The following TRAPPC9 variants were observed in gnomAD, a reference collection of about 807,000 sequenced individuals.
TRAPPC9 encodes the protein IKK2 binding protein.
A neutral mutation model predicts 124.0 loss-of-function variants in TRAPPC9; 83 were observed. The ratio of observed to expected loss-of-function variants is 0.67; its 90% CI spans 0.56 to 0.80. TRAPPC9 has a LOEUF of 0.80. Ranked by LOEUF, TRAPPC9 falls within the 30% of genes least tolerant of loss-of-function variation. The pLI is 0.00. For synonymous variants in TRAPPC9, 638 were observed against 617.5 expected (o/e 1.03, Z -0.49); for missense variants, 1,302 against 1,508.3 (o/e 0.86, Z 2.27).
intron 21 of TRAPPC9, among the ~76,000 whole-genome samples, chr8:139,764,890 T>G (rs1398116816): frequency 2.6e-5 from 4 of 152,154 alleles, no homozygotes; most frequent in Non-Finnish European, 5.9e-5. Flanking sequence ...TGGCAGCAAG[T>G]ACTCGGTTCT....
At chr8:140,374,431 G>A (rs536807914) in intron 7 of TRAPPC9, among the ~76,000 whole-genome samples, 11 of 152,144 alleles carry the variant, frequency 7.2e-5, no homozygotes, top group East Asian at 5.8e-4. Context: ...TTAGCCAGGC[G>A]TGGTGGTGCA....
intron 11 of TRAPPC9, 134 bp downstream of exon 11, chr8:140,300,335 A>G: frequency 1.8e-6 from 2 of 1,103,058 alleles, no homozygotes; most frequent in Non-Finnish European, 2.7e-6. Context: ...ACACATATGC[A>G]TGCGTGCACA....
At position 139,885,876 on chromosome 8, in the gene TRAPPC9, C is replaced by T. The variant is rs1829975782; in HGVS notation, c.3055+3G>A. On this transcript the variant is annotated splice_donor_region_variant and intron_variant, in intron 21 of 22. Coordinates refer to ENST00000438773, the MANE Select transcript of TRAPPC9 (RefSeq NM_001160372.4). ...AATCGATGGGTGGCTGGCGGGTACT[C>T]ACCCCACTGCAGAGGCGCCAGCTGC... is the stretch of plus-strand genomic sequence containing the variant. 2 of 1,559,826 alleles carry T rather than the reference C, an allele frequency of 1.3e-6. No homozygotes were observed. The highest frequency in any genetic ancestry group is 1.7e-6 in the Non-Finnish European group (2 of 1,151,480).
chr8:140,378,368 A>C (rs2068507646), intron 7 of TRAPPC9, among the ~76,000 whole-genome samples: 1 of 152,106 alleles, frequency 6.6e-6, no homozygotes, highest in Admixed American at 6.5e-5. Flanking sequence ...CTAAGAATAT[A>C]AGCAGGCAGA....
chr8:140,009,840 G>A (rs1263085944), intron 18 of TRAPPC9, among the ~76,000 whole-genome samples: 1 of 152,196 alleles, frequency 6.6e-6, no homozygotes, highest in Non-Finnish European at 1.5e-5. Flanking sequence ...AGCTCTTTGA[G>A]AGCATGAACT....
intron 18 of TRAPPC9, among the ~76,000 whole-genome samples, chr8:140,010,854 A>G (rs1839069956): frequency 6.6e-6 from 1 of 152,208 alleles, no homozygotes; most frequent in African/African-American, 2.4e-5. Flanking sequence ...ACTGCTTGAA[A>G]CAGTAGAACA....
chr8:139,779,816 A>G (rs1199761768), intron 21 of TRAPPC9, among the ~76,000 whole-genome samples: 1 of 152,204 alleles, frequency 6.6e-6, no homozygotes, highest in Non-Finnish European at 1.5e-5. Context: ...AAGAGCAATA[A>G]TTAGAAGGAT....
In TRAPPC9 at chr8:139,746,617, G is replaced by A. The variant is rs558222546; in HGVS notation, c.3056-14415C>T. 3.3e-5 allele frequency among the ~76,000 whole-genome samples: 5 copies of A among 152,316 alleles called. No homozygotes were observed. In the East Asian group the frequency reaches 7.7e-4, roughly 24 times the overall value. ...CTGTGGAGCCTGGGTCCCCAGGTGAGCGCCAAAAAGCTGCCTGCACCAAGA... is the reference window on the plus strand; with the variant it reads ...CTGTGGAGCCTGGGTCCCCAGGTGAACGCCAAAAAGCTGCCTGCACCAAGA... On this transcript the variant is annotated intron_variant, in intron 21 of 22. Transcript: ENST00000438773.
chr8:139,780,215 G>A (rs1256863344), intron 21 of TRAPPC9, among the ~76,000 whole-genome samples: 1 of 152,152 alleles, frequency 6.6e-6, no homozygotes, highest in Non-Finnish European at 1.5e-5. Context: ...CAATATTGAA[G>A]GAGAAGAACA....
At chr8:140,078,408 C>A (rs535131459) in intron 17 of TRAPPC9, among the ~76,000 whole-genome samples, 1 of 152,258 alleles carries the variant, frequency 6.6e-6, no homozygotes, top group Admixed American at 6.5e-5. Context: ...ATCTTGGCCT[C>A]AGGCAGGGAG....
intron 21 of TRAPPC9, among the ~76,000 whole-genome samples, chr8:139,745,359 G>A (rs1380342594): frequency 6.6e-6 from 1 of 152,266 alleles, no homozygotes; most frequent in Non-Finnish European, 1.5e-5. Context: ...GGAGAGGGCT[G>A]AGCTCTGATC....
At chr8:140,074,580 A>G (rs1843384266) in intron 17 of TRAPPC9, among the ~76,000 whole-genome samples, 1 of 150,510 alleles carries the variant, frequency 6.6e-6, no homozygotes, top group African/African-American at 2.4e-5. Context: ...CTTAACAAAC[A>G]CTTACTGGGC....
intron 19 of TRAPPC9, among the ~76,000 whole-genome samples, chr8:139,938,238 G>A (rs559799263): frequency 1.3e-5 from 2 of 152,172 alleles, no homozygotes; most frequent in Non-Finnish European, 2.9e-5. Context: ...TCCCTATGCC[G>A]AAATCAGATA....
At chr8:140,274,130 A>G (rs2065044706) in intron 15 of TRAPPC9, among the ~76,000 whole-genome samples, 1 of 152,236 alleles carries the variant, frequency 6.6e-6, no homozygotes, top group Non-Finnish European at 1.5e-5. Context: ...ATAACTATTT[A>G]GCATATAACA....
Position 139,737,476 on chromosome 8 carries a change from C to CCCG in TRAPPC9, c.3056-5275_3056-5274insCGG, listed in dbSNP as rs1227573423. Among the ~76,000 whole-genome samples, 10 of 129,840 alleles carry CCCG rather than the reference C, an allele frequency of 7.7e-5. 1 individual carries two copies. Among genetic ancestry groups the CCCG allele is most frequent in the Admixed American group, 5.8e-4 (8 of 13,752 alleles). 85.2% of individuals were successfully genotyped at this position (129,840 alleles called of 152,430 possible). A position where few individuals can be genotyped will look rare whatever the true frequency, so the allele number is the denominator to read the frequency against. ...GGGGGTCATCAGCCCTCCCCCCCCC[C>CCCG]CCACGGAAAACCCTGAGTCTGGTGT... is the stretch of plus-strand genomic sequence containing the variant. On this transcript the variant is annotated intron_variant, in intron 21 of 22. Transcript: ENST00000438773.
chr8:140,351,614 AAAAT>A (rs1364677601), intron 9 of TRAPPC9, among the ~76,000 whole-genome samples: 2 of 152,182 alleles, frequency 1.3e-5, no homozygotes, highest in African/African-American at 4.8e-5. Flanking sequence ...GCTAAAAATA[AAAAT>A]AAATAAATAA....
chr8:140,320,113 A>T (rs2066554164), intron 9 of TRAPPC9, among the ~76,000 whole-genome samples: 1 of 152,234 alleles, frequency 6.6e-6, no homozygotes, highest in Non-Finnish European at 1.5e-5. Flanking sequence ...GATTTGATCA[A>T]ATATCTGAAG....
chr8:140,371,854 C>T (rs984788793), intron 7 of TRAPPC9, among the ~76,000 whole-genome samples: 3 of 152,168 alleles, frequency 2.0e-5, no homozygotes, highest in African/African-American at 7.2e-5. Flanking sequence ...CAAGCACCCA[C>T]CCCCATGCTG....
chr8:139,829,186 T>C (rs55709051), intron 21 of TRAPPC9, among the ~76,000 whole-genome samples: 16,990 of 152,260 alleles, frequency 0.11, 972 homozygotes, highest in South Asian at 0.13. Flanking sequence ...TGTGTAAATG[T>C]ACGGAGACGC....
Sources: gnomAD v4.1 joint callset for allele counts (sites outside exome capture counted in the v4.1 genomes callset) on GRCh38, gnomAD v4.1.1 for gene constraint, MANE v1.5 for transcripts, NCBI Gene and HGNC (gene_info 2026-07-23, HGNC 2026-07-21) for gene names.